The following KCNK13 variants were observed in gnomAD, a reference collection of about 807,000 sequenced individuals.
The protein encoded by KCNK13 is potassium channel subfamily K member 13.
In KCNK13, 12 loss-of-function variants were observed where a neutral mutation model predicts 23.4. The observed-to-expected ratio is 0.51, with a 90% confidence interval of 0.33 to 0.83. The LOEUF (loss-of-function observed/expected upper bound fraction) is 0.83, where lower values mean the gene tolerates loss of function less well. Ranked by LOEUF, KCNK13 falls within the 40% of genes least tolerant of loss-of-function variation. KCNK13 has a pLI of 0.02. For missense variants in KCNK13, 463 were observed against 556.3 expected (o/e 0.83, Z 1.69); for synonymous variants, 231 against 229.5 (o/e 1.01, Z -0.06).
In KCNK13 at chr14:90,185,100, C is replaced by G; in HGVS notation, c.*97C>G. 1.8e-6 allele frequency: 2 copies of G among 1,141,030 alleles called. No homozygotes were observed. Among genetic ancestry groups the G allele is most frequent in the South Asian group, 3.6e-5 (2 of 55,732 alleles). The allele number at this position is 1,141,030 out of a possible 1,614,324, so 70.7% of individuals were successfully genotyped here. A position where few individuals can be genotyped will look rare whatever the true frequency, so the allele number is the denominator to read the frequency against. Reference sequence around the variant, plus strand: ...GCCCTGCGCCTTGGCTCTGTTCCTTCTGGGAGCTGTTCCCGGGAGCCTCCG... The same window carrying G: ...GCCCTGCGCCTTGGCTCTGTTCCTTGTGGGAGCTGTTCCCGGGAGCCTCCG... On this transcript the variant is annotated 3_prime_UTR_variant, in exon 2 of 2. Coordinates refer to ENST00000282146, the MANE Select transcript of KCNK13 (RefSeq NM_022054.4).
At chr14:90,110,553 T>A (rs1284843707) in intron 1 of KCNK13, among the ~76,000 whole-genome samples, 3 of 151,654 alleles carry the variant, frequency 2.0e-5, no homozygotes, top group Non-Finnish European at 4.4e-5. Context: ...TTCCAGGTGA[T>A]GCCACTACTG....
intron 1 of KCNK13, among the ~76,000 whole-genome samples, chr14:90,098,944 G>GGCAGGTGCCTGTATTC (rs1889443133): frequency 6.6e-6 from 1 of 152,064 alleles, no homozygotes; most frequent in African/African-American, 2.4e-5. Context: ...CGGGCGTGAT[G>GGCAGGTGCCTGTATTC]GCAGGTGCCT....
intron 1 of KCNK13, among the ~76,000 whole-genome samples, chr14:90,151,459 C>CT (rs1260377356): frequency 1.2e-4 from 19 of 152,146 alleles, no homozygotes; most frequent in Admixed American, 1.2e-3. Flanking sequence ...TGTTCAGGTC[C>CT]TTTGCCCATT....
At chr14:90,183,650 G>C (rs981778826) in intron 1 of KCNK13, among the ~76,000 whole-genome samples, 3 of 152,182 alleles carry the variant, frequency 2.0e-5, no homozygotes, top group African/African-American at 7.2e-5. Flanking sequence ...TCTATCCCCA[G>C]GTCAATAAGT....
Position 90,184,838 on chromosome 14 carries a change from A to G in KCNK13, c.1062A>G (p.Ala354=). ...GEMISMKDLL[A]ANKASLAILQ... is the part of the protein sequence containing the mutation. Reference sequence around the variant, plus strand: ...TGATCTCCATGAAGGACTTGCTGGCAGCCAACAAGGCCTCGTTGGCCATCC... The same window carrying G: ...TGATCTCCATGAAGGACTTGCTGGCGGCCAACAAGGCCTCGTTGGCCATCC... Residue 354 remains alanine, a synonymous_variant, in exon 2 of 2, where the codon GCA becomes GCG. Coordinates refer to ENST00000282146, the MANE Select transcript of KCNK13 (RefSeq NM_022054.4). This position sits in a 1 kb window ranked among gnomAD's most constrained non-coding sequence, Gnocchi z 5.6. 1.9e-6 allele frequency: 3 copies of G among 1,613,802 alleles called. No individual in the cohort carries two copies. The highest frequency in any genetic ancestry group is 2.5e-6 in the Non-Finnish European group (3 of 1,179,874).
chr14:90,101,732 A>G (rs951638674), intron 1 of KCNK13, among the ~76,000 whole-genome samples: 1 of 135,034 alleles, frequency 7.4e-6, no homozygotes, highest in Non-Finnish European at 1.6e-5. Context: ...GGAGGTTGCA[A>G]TGAGCTAAGA....
intron 1 of KCNK13, among the ~76,000 whole-genome samples, chr14:90,126,441 ATGTGACG>A (rs1889801184): frequency 8.1e-6 from 1 of 123,194 alleles, no homozygotes; most frequent in African/African-American, 3.0e-5. Context: ...ATGTGACGTG[ATGTGACG>A]TGACGTGACG....
intron 1 of KCNK13, chr14:90,108,099 T>G (rs1889568554): frequency 2.2e-6 from 1 of 446,222 alleles, no homozygotes; most frequent in Admixed American, 3.4e-5. Flanking sequence ...ACAAACAGCT[T>G]TTTTCTTCTT....
At position 90,062,284 on chromosome 14, in the gene KCNK13, A is replaced by T. The variant is rs767699776; in HGVS notation, c.79A>T (p.Ile27Phe). The T allele has an allele frequency of 1.7e-5, 26 of 1,534,830 alleles. No homozygotes were observed. The highest frequency in any genetic ancestry group is 2.2e-5 in the Non-Finnish European group (25 of 1,146,456). The change falls in exon 1 of 2, where the codon ATC becomes TTC. Residue 27 changes from isoleucine (I) to phenylalanine (F), a missense_variant. Ile to Phe is a conservative substitution (Grantham distance 21). Around this residue, in one of 3 missense-constraint regions of KCNK13, gnomAD observed 153 missense variants for 153.6 expected, o/e 1.00. Transcript: ENST00000282146. The surrounding 1 kb of genome is among the most constrained non-coding windows in gnomAD (Gnocchi z 4.5). ...GCGCTTTCTGCTGCTGGCCGCGCTCATCGTGCTCTACCTGCTGGGCGGCGC... is the reference window on the plus strand; with the variant it reads ...GCGCTTTCTGCTGCTGGCCGCGCTCTTCGTGCTCTACCTGCTGGGCGGCGC... ...NARFLLLAAL[I>F]VLYLLGGAAV...
chr14:90,067,224 G>A (rs566677178), intron 1 of KCNK13, among the ~76,000 whole-genome samples: 2 of 152,260 alleles, frequency 1.3e-5, no homozygotes, highest in Middle Eastern at 3.4e-3. Context: ...AGCTGAGATC[G>A]CGCCAATGCA....
chr14:90,184,258 A>C lies in KCNK13; in HGVS notation c.482A>C (p.His161Pro), dbSNP rs1252846994. ...TIIAYIMKSC[H>P]QRQLRRRGAL... Reference sequence around the variant, plus strand: ...ATCGCCTACATCATGAAGTCGTGCCACCAGCGGCAGCTCCGGAGACGAGGG... The same window carrying C: ...ATCGCCTACATCATGAAGTCGTGCCCCCAGCGGCAGCTCCGGAGACGAGGG... Residue 161 changes from histidine (H) to proline (P), a missense_variant, in exon 2 of 2, where the codon CAC becomes CCC. Around this residue, in one of 3 missense-constraint regions of KCNK13, gnomAD observed 144 missense variants for 224.0 expected, o/e 0.64. Coordinates refer to ENST00000282146, the MANE Select transcript of KCNK13 (RefSeq NM_022054.4). This position sits in a 1 kb window ranked among gnomAD's most constrained non-coding sequence, Gnocchi z 5.6. 1 of 1,614,196 alleles carries C rather than the reference A, an allele frequency of 6.2e-7. No homozygotes were observed. Among genetic ancestry groups the C allele is most frequent in the Non-Finnish European group, 8.5e-7 (1 of 1,180,042 alleles).
chr14:90,107,661 C>G (rs894172932), intron 1 of KCNK13: 1 of 680,844 alleles, frequency 1.5e-6, no homozygotes, highest in Non-Finnish European at 2.8e-6. Context: ...CCAGGGGGAC[C>G]GCAGCCTGTC....
Position 90,067,705 on chromosome 14 carries a change from G to A in KCNK13, c.334+5166G>A, listed in dbSNP as rs114104754. Among the ~76,000 whole-genome samples, 716 of 152,276 alleles carry A rather than the reference G, an allele frequency of 4.7e-3. 5 individuals are homozygous for A. The highest frequency in any genetic ancestry group is 0.016 in the African/African-American group (673 of 41,546). ...TTCTGAAAAAGGCTGGAGATCAGACGTGAAACAGGGATAAACTTAAAGTAC... is the reference window on the plus strand; with the variant it reads ...TTCTGAAAAAGGCTGGAGATCAGACATGAAACAGGGATAAACTTAAAGTAC... On this transcript the variant is annotated intron_variant, in intron 1 of 1. Coordinates refer to ENST00000282146, the MANE Select transcript of KCNK13 (RefSeq NM_022054.4).
intron 1 of KCNK13, among the ~76,000 whole-genome samples, chr14:90,105,009 C>G (rs1566952300): frequency 6.6e-6 from 1 of 151,890 alleles, no homozygotes; most frequent in East Asian, 1.9e-4. Flanking sequence ...AGGCTGGTCT[C>G]AAACTCCTGA....
intron 1 of KCNK13, among the ~76,000 whole-genome samples, chr14:90,074,317 A>G (rs1427708464): frequency 6.6e-6 from 1 of 152,202 alleles, no homozygotes; most frequent in African/African-American, 2.4e-5. Context: ...TGATATATTT[A>G]TATGTCTAAA....
intron 1 of KCNK13, among the ~76,000 whole-genome samples, chr14:90,140,495 G>T (rs1889992843): frequency 6.6e-6 from 1 of 152,160 alleles, no homozygotes; most frequent in African/African-American, 2.4e-5. Context: ...CAGGGCTGGG[G>T]ACTGTGAGTC....
intron 1 of KCNK13, among the ~76,000 whole-genome samples, chr14:90,183,331 A>C (rs899808675): frequency 6.6e-6 from 1 of 152,074 alleles, no homozygotes; most frequent in African/African-American, 2.4e-5. Context: ...TCTCATTTCT[A>C]TGTATGCTAG....
rs528041083 is a variant in KCNK13 at position 90,105,441 on chromosome 14, A to G, written c.334+42902A>G. On this transcript the variant is annotated intron_variant, in intron 1 of 1. Coordinates refer to ENST00000282146, the MANE Select transcript of KCNK13 (RefSeq NM_022054.4). ...AAAAGGGGTCCCTTGACTTTAATAT[A>G]CAGGATAAATCAAGTGACAGAACAA... 3.3e-5 allele frequency among the ~76,000 whole-genome samples: 5 copies of G among 152,222 alleles called. No homozygotes were observed. The East Asian group carries it at 7.7e-4, about 24-fold the overall frequency.
chr14:90,119,615 T>G (rs977460820), intron 1 of KCNK13, among the ~76,000 whole-genome samples: 12 of 152,172 alleles, frequency 7.9e-5, no homozygotes, highest in African/African-American at 2.9e-4. Context: ...ATTTATTTAT[T>G]TAGAGACCAA....
Sources: allele counts gnomAD v4.1 joint callset (sites outside exome capture counted in the v4.1 genomes callset), GRCh38; gene constraint gnomAD v4.1.1; regional missense constraint gnomAD v4.1.1; non-coding constraint Gnocchi (gnomAD v3.1); transcripts MANE v1.5; gene names NCBI Gene and HGNC (gene_info 2026-07-23, HGNC 2026-07-21).